The following ZNF600 variants were observed in gnomAD, a reference collection of about 807,000 sequenced individuals.
The protein encoded by ZNF600 is zinc finger protein 600.
ZNF600 carries 4 observed loss-of-function variants against 7.3 expected under a neutral mutation model. The observed-to-expected ratio is 0.55, with a 90% CI of 0.27 to 1.25. The LOEUF (loss-of-function observed/expected upper bound fraction) is 1.25, where lower values mean the gene tolerates loss of function less well. ZNF600 is among the 50% of genes most tolerant of loss of function. The pLI, the probability that ZNF600 is intolerant of heterozygous loss-of-function variation, is 0.12. For missense variants in ZNF600, 911 were observed against 922.1 expected (o/e 0.99, Z 0.16); for synonymous variants, 290 against 308.9 (o/e 0.94, Z 0.64).
the ZNF600 span, chr19:52,808,034 C>G: frequency 1.2e-6 from 2 of 1,613,556 alleles, no homozygotes; most frequent in Non-Finnish European, 1.7e-6. Context: ...CTATAATTCT[C>G]CAGCATCACA....
chr19:52,801,790 C>G, the ZNF600 span: 1 of 1,284,800 alleles, frequency 7.8e-7, no homozygotes, highest in Non-Finnish European at 1.1e-6. Context: ...AAAAACAATA[C>G]TTATTTTAAA....
chr19:52,767,651 C>A, exon 4 of ZNF600: 2 of 1,614,010 alleles, frequency 1.2e-6, no homozygotes, highest in Non-Finnish European at 1.7e-6. Context: ...TCTCAATTTC[C>A]TGGAAGCAAA....
the ZNF600 span, among the ~76,000 whole-genome samples, chr19:52,803,464 T>C: frequency 1.3e-5 from 2 of 152,300 alleles, no homozygotes; most frequent in Admixed American, 1.3e-4. Context: ...TAAAAATCAA[T>C]TAATCAAATA....
exon 4 of ZNF600, chr19:52,766,319 A>T (rs2062576229): frequency 6.2e-7 from 1 of 1,613,632 alleles, no homozygotes; most frequent in African/African-American, 1.3e-5. Flanking sequence ...AATGACACGC[A>T]AAAGCCTTGT....
chr19:52,830,189 C>A, the ZNF600 span, among the ~76,000 whole-genome samples: 1 of 152,100 alleles, frequency 6.6e-6, no homozygotes, highest in African/African-American at 2.4e-5. Context: ...AGGAGAATAG[C>A]TTGAACCTGC....
chr19:52,774,008 A>G (rs112903490), intron 3 of ZNF600, among the ~76,000 whole-genome samples: 12,911 of 152,000 alleles, frequency 0.085, 1,497 homozygotes, highest in African/African-American at 0.27. Flanking sequence ...GTGTGCCACT[A>G]CACCCAGCCT....
chr19:52,817,058 T>C, the ZNF600 span, among the ~76,000 whole-genome samples: 9 of 152,054 alleles, frequency 5.9e-5, no homozygotes, highest in South Asian at 6.2e-4. Context: ...ATTATTTACA[T>C]TGATTTCATG....
At chr19:52,778,901 A>G (rs2062698008) in exon 2 of ZNF600, 1 of 1,596,520 alleles carries the variant, frequency 6.3e-7, no homozygotes, top group African/African-American at 1.4e-5. Flanking sequence ...GTCTTTAGGA[A>G]TCAATCCTGT....
chr19:52,765,393 C>G, exon 4 of ZNF600: 1 of 912,568 alleles, frequency 1.1e-6, no homozygotes, highest in South Asian at 1.4e-5. Context: ...TGAAGCTTGA[C>G]TGAAGACCTT....
At chr19:52,812,293 T>G in the ZNF600 span, among the ~76,000 whole-genome samples, 10 of 141,062 alleles carry the variant, frequency 7.1e-5, 1 homozygote, top group African/African-American at 9.2e-5. Context: ...GAACGGGCCA[T>G]GATGACAATG....
At chr19:52,783,999 C>A (rs1437001522) in intron 1 of ZNF600, among the ~76,000 whole-genome samples, 1 of 152,064 alleles carries the variant, frequency 6.6e-6, no homozygotes, top group African/African-American at 2.4e-5. Flanking sequence ...CGCTTCAACC[C>A]TAAAGGCAGA....
rs767337224 is a variant in ZNF600, at chr19:52,767,191, G to T, written c.772C>A (p.Gln258Lys). 6 of 1,613,982 alleles carry T rather than the reference G, an allele frequency of 3.7e-6. No individual in the cohort carries two copies. In the South Asian group the frequency reaches 6.6e-5, roughly 18 times the overall value. The change falls in exon 4 of 4, where the codon CAA becomes AAA. Residue 258 changes from glutamine (Q) to lysine (K), a missense_variant. By Grantham distance (53) the Gln-to-Lys change is moderately conservative. Coordinates refer to ENST00000648973, the Ensembl canonical transcript of ZNF600. ...TTGCCACATACATCACATTTATATT[G>T]TTTGTCTCCTAAATGGGGTATCTGG... is the stretch of plus-strand genomic sequence containing the variant.
At chr19:52,777,815 C>T (rs1039637067) in intron 2 of ZNF600, among the ~76,000 whole-genome samples, 1 of 151,962 alleles carries the variant, frequency 6.6e-6, no homozygotes, top group African/African-American at 2.4e-5. Flanking sequence ...GGGGACTGAG[C>T]GAGACTCCAT....
At chr19:52,767,065 A>C in exon 4 of ZNF600, 1 of 1,614,098 alleles carries the variant, frequency 6.2e-7, no homozygotes, top group Non-Finnish European at 8.5e-7. Context: ...GTAAGGGATG[A>C]TACCTGACTG....
exon 4 of ZNF600, chr19:52,766,527 C>T (rs1293594452): frequency 6.2e-7 from 1 of 1,614,042 alleles, no homozygotes; most frequent in Non-Finnish European, 8.5e-7. Context: ...AGGTTTTCCT[C>T]CACTATGAAT....
At chr19:52,793,472 G>A in the ZNF600 span, among the ~76,000 whole-genome samples, 35 of 152,338 alleles carry the variant, frequency 2.3e-4, no homozygotes, top group South Asian at 6.8e-3. Context: ...CCTGGGACAG[G>A]AGCAACATCA....
chr19:52,810,767 A>AT, the ZNF600 span: 1 of 558,108 alleles, frequency 1.8e-6, no homozygotes, highest in African/African-American at 2.4e-5. Flanking sequence ...AAAAAAAAGA[A>AT]TAAAAAAAAA....
the ZNF600 span, chr19:52,799,935 C>G: frequency 1.2e-6 from 2 of 1,613,888 alleles, no homozygotes; most frequent in Non-Finnish European, 1.7e-6. Flanking sequence ...ACACTCATTA[C>G]ACTTGTAAGG....
the ZNF600 span, among the ~76,000 whole-genome samples, chr19:52,832,313 A>G: frequency 6.6e-6 from 1 of 152,170 alleles, no homozygotes; most frequent in African/African-American, 2.4e-5. Context: ...CTGCAGAGAC[A>G]GGCCGGGCAC....
Sources: allele counts gnomAD v4.1 joint callset (sites outside exome capture counted in the v4.1 genomes callset), GRCh38; gene constraint gnomAD v4.1.1; transcripts MANE v1.5; gene names NCBI Gene and HGNC (gene_info 2026-07-23, HGNC 2026-07-21).